Variants in SLC1A2 observed in about 807,000 individuals in gnomAD.
The protein encoded by SLC1A2 is excitatory amino acid transporter 2.
Under a neutral mutation model 48.8 loss-of-function variants are expected in SLC1A2, and 15 were observed. The ratio of observed to expected loss-of-function variants is 0.31; its 90% confidence interval spans 0.21 to 0.47. The LOEUF is 0.47. Ranked by LOEUF, SLC1A2 falls within the 20% of genes least tolerant of loss-of-function variation. SLC1A2 has a pLI of 0.99. For missense variants in SLC1A2, 502 were observed against 730.5 expected (o/e 0.69, Z 3.61); for synonymous variants, 279 against 272.6 (o/e 1.02, Z -0.23).
chr11:35,283,070 A>T (rs1243831595), intron 8 of SLC1A2, among the ~76,000 whole-genome samples: 1 of 152,082 alleles, frequency 6.6e-6, no homozygotes, highest in African/African-American at 2.4e-5. Flanking sequence ...AGGGACATAT[A>T]TGGTAACACC....
At chr11:35,386,819 T>C (rs531566031) in intron 1 of SLC1A2, among the ~76,000 whole-genome samples, 1 of 152,338 alleles carries the variant, frequency 6.6e-6, no homozygotes, top group South Asian at 2.1e-4. Flanking sequence ...AACTGGGACT[T>C]AGAAAGCTTA....
intron 9 of SLC1A2, among the ~76,000 whole-genome samples, chr11:35,269,100 A>G (rs1850192767): frequency 6.6e-6 from 1 of 152,158 alleles, no homozygotes; most frequent in Non-Finnish European, 1.5e-5. Flanking sequence ...GCCTTCATGA[A>G]TGGGATCAGT....
intron 3 of SLC1A2, among the ~76,000 whole-genome samples, chr11:35,314,628 G>T (rs4756209): frequency 0.32 from 48,617 of 150,872 alleles, 8,598 homozygotes; most frequent in South Asian, 0.54. Context: ...CAGGAGAATC[G>T]CTTGAACCCA....
intron 1 of SLC1A2, among the ~76,000 whole-genome samples, chr11:35,324,488 T>G (rs1852176049): frequency 6.6e-6 from 1 of 152,354 alleles, no homozygotes; most frequent in Middle Eastern, 3.4e-3. Flanking sequence ...AGCACTGATA[T>G]AGTATCTGAT....
At chr11:35,295,380 T>A (rs1851140034) in intron 6 of SLC1A2, among the ~76,000 whole-genome samples, 2 of 152,126 alleles carry the variant, frequency 1.3e-5, no homozygotes, top group Non-Finnish European at 2.9e-5. Flanking sequence ...AGGCCTTCAC[T>A]CCGAAACTGG....
At chr11:35,349,633 A>G (rs1853169139) in intron 1 of SLC1A2, among the ~76,000 whole-genome samples, 1 of 152,236 alleles carries the variant, frequency 6.6e-6, no homozygotes, top group East Asian at 1.9e-4. Flanking sequence ...ACTCTCTCCC[A>G]TATCAAAGAT....
At chr11:35,262,246 C>CCGCAT (rs1950404879) in intron 10 of SLC1A2, among the ~76,000 whole-genome samples, 2 of 152,250 alleles carry the variant, frequency 1.3e-5, no homozygotes, top group African/African-American at 4.8e-5. Context: ...CAGCGATGAA[C>CCGCAT]CGCATCAATA....
intron 1 of SLC1A2, among the ~76,000 whole-genome samples, chr11:35,343,787 CACAG>C (rs1025013798): frequency 6.6e-6 from 1 of 151,946 alleles, no homozygotes; most frequent in Non-Finnish European, 1.5e-5. Context: ...CCAGGATGTG[CACAG>C]ACACACACAC....
At chr11:35,262,836 A>C (rs1049354951) in intron 10 of SLC1A2, among the ~76,000 whole-genome samples, 1 of 152,256 alleles carries the variant, frequency 6.6e-6, no homozygotes, top group African/African-American at 2.4e-5. Context: ...CATCATCTTC[A>C]AGACCTGCTC....
intron 1 of SLC1A2, among the ~76,000 whole-genome samples, chr11:35,379,837 C>G (rs1199555520): frequency 6.6e-6 from 1 of 152,186 alleles, no homozygotes; most frequent in African/African-American, 2.4e-5. Context: ...CGTGGCGAAT[C>G]CCAACAGCCA....
intron 1 of SLC1A2, among the ~76,000 whole-genome samples, chr11:35,332,213 C>G (rs936283791): frequency 1.3e-5 from 2 of 152,190 alleles, no homozygotes; most frequent in Non-Finnish European, 2.9e-5. Context: ...TATGCACTTC[C>G]TGAAGTCATT....
At chr11:35,282,323 G>A (rs189810631) in intron 8 of SLC1A2, among the ~76,000 whole-genome samples, 65 of 152,248 alleles carry the variant, frequency 4.3e-4, no homozygotes, top group South Asian at 1.0e-3. Context: ...AACAACCTGA[G>A]TTCAAATTCC....
At chr11:35,279,404 G>A (rs565625518) in intron 9 of SLC1A2, among the ~76,000 whole-genome samples, 1 of 152,314 alleles carries the variant, frequency 6.6e-6, no homozygotes, top group South Asian at 2.1e-4. Flanking sequence ...TACCATACAT[G>A]GTCAAGTTCA....
rs1950395312 is a variant in SLC1A2 at position 35,261,626 on chromosome 11, TA to T, written c.1654-662del. 12 of 398,556 alleles carry T rather than the reference TA, an allele frequency of 3.0e-5. No individual in the cohort carries two copies. In the Admixed American group the frequency reaches 5.3e-4, roughly 18 times the overall value. The allele number at this position is 398,556 out of a possible 1,614,324, so 24.7% of individuals were successfully genotyped here. A position where few individuals can be genotyped will look rare whatever the true frequency, so the allele number is the denominator to read the frequency against. ...AAGTGAACTGAACCTTTTTGCAGAA[TA>T]GGAGGTTTTCCCCTCCACTTCTAAG... On this transcript the variant is annotated intron_variant, in intron 10 of 10. Coordinates refer to ENST00000278379, the MANE Select transcript of SLC1A2 (RefSeq NM_004171.4).
At chr11:35,393,531 C>T (rs1316144619) in intron 1 of SLC1A2, among the ~76,000 whole-genome samples, 1 of 152,082 alleles carries the variant, frequency 6.6e-6, no homozygotes, top group Admixed American at 6.6e-5. Flanking sequence ...GCATCTGACA[C>T]CCCCCTCTTC....
chr11:35,408,381 G>A (rs1041755000), intron 1 of SLC1A2, among the ~76,000 whole-genome samples: 9 of 152,174 alleles, frequency 5.9e-5, no homozygotes, highest in African/African-American at 1.9e-4. Flanking sequence ...GGACCCAGAG[G>A]GAGGTAATTG....
intron 1 of SLC1A2, among the ~76,000 whole-genome samples, chr11:35,343,485 G>A (rs930818336): frequency 1.3e-5 from 2 of 152,114 alleles, no homozygotes; most frequent in East Asian, 1.9e-4. Context: ...GTTAGAAGCC[G>A]CAAACCCCAC....
At chr11:35,323,617 T>A (rs1425868162) in intron 1 of SLC1A2, among the ~76,000 whole-genome samples, 3 of 152,174 alleles carry the variant, frequency 2.0e-5, no homozygotes, top group Non-Finnish European at 4.4e-5. Context: ...CCATTCTAGG[T>A]ACCCACGATG....
chr11:35,344,727 C>T (rs998222032), intron 1 of SLC1A2, among the ~76,000 whole-genome samples: 1 of 152,202 alleles, frequency 6.6e-6, no homozygotes, highest in Non-Finnish European at 1.5e-5. Context: ...AGACAATGTG[C>T]TTGTTCTGAA....
Sources: gnomAD v4.1 joint callset for allele counts (sites outside exome capture counted in the v4.1 genomes callset) on GRCh38, gnomAD v4.1.1 for gene constraint, MANE v1.5 for transcripts, NCBI Gene and HGNC (gene_info 2026-07-23, HGNC 2026-07-21) for gene names.